The following SCAP variants were observed in gnomAD, a reference collection of about 807,000 sequenced individuals.
The protein encoded by SCAP is sterol regulatory element-binding protein cleavage-activating protein.
In SCAP, 65 loss-of-function variants were observed where a neutral mutation model predicts 123.6. That is an observed-to-expected ratio of 0.53 (90% CI 0.43 to 0.65). SCAP has a LOEUF of 0.65. SCAP is among the 30% of genes least tolerant of loss of function. SCAP has a pLI of 0.00. For synonymous variants in SCAP, 740 were observed against 726.3 expected (o/e 1.02, Z -0.30); for missense variants, 1,398 against 1,712.5 (o/e 0.82, Z 3.24).
At chr3:47,463,667 G>A (rs1267316140) in intron 1 of SCAP, among the ~76,000 whole-genome samples, 6 of 151,864 alleles carry the variant, frequency 4.0e-5, no homozygotes, top group Non-Finnish European at 5.9e-5. Flanking sequence ...GACTGCACTC[G>A]AGCCTGGCAG....
At chr3:47,432,890 A>G (rs1706424475) in intron 3 of SCAP, among the ~76,000 whole-genome samples, 1 of 152,274 alleles carries the variant, frequency 6.6e-6, no homozygotes, top group East Asian at 1.9e-4. Flanking sequence ...GACAACAACA[A>G]TGAAATACCT....
intron 18 of SCAP, 23 bp downstream of exon 18, chr3:47,417,099 G>A (rs1278583753): frequency 1.9e-6 from 3 of 1,609,082 alleles, no homozygotes; most frequent in Non-Finnish European, 2.5e-6. Flanking sequence ...GGGACATCTG[G>A]GGCTGAGGCA....
In SCAP at chr3:47,416,869, G is replaced by A. The variant is rs557084729; in HGVS notation, c.3056+253C>T. Among the ~76,000 whole-genome samples the A allele has an allele frequency of 1.6e-3, 240 of 151,746 alleles. 2 individuals carry two copies. Among genetic ancestry groups the A allele is most frequent in the African/African-American group, 5.4e-3 (223 of 41,346 alleles). On this transcript the variant is annotated intron_variant, in intron 18 of 22. Transcript: ENST00000265565. Reference sequence around the variant, plus strand: ...TCTCGATCTCCTGACCTCGTGATCCGCCCGCCTCGGCCTCCCAAAGTGCTG... The same window carrying A: ...TCTCGATCTCCTGACCTCGTGATCCACCCGCCTCGGCCTCCCAAAGTGCTG...
At chr3:47,467,691 T>A (rs1202199318) in intron 1 of SCAP, among the ~76,000 whole-genome samples, 1 of 152,062 alleles carries the variant, frequency 6.6e-6, no homozygotes, top group East Asian at 1.9e-4. Context: ...TTGCTCAACA[T>A]CAATATTCCT....
intron 1 of SCAP, among the ~76,000 whole-genome samples, chr3:47,473,086 A>AAAAAAAAAAAAAAAAAAAC (rs1452211445): frequency 2.8e-5 from 4 of 144,066 alleles, no homozygotes; most frequent in South Asian, 2.2e-4. Flanking sequence ...ATCTCAAAAA[A>AAAAAAAAAAAAAAAAAAAC]AAAAAAAAAA....
At chr3:47,461,923 A>G (rs1707655938) in intron 1 of SCAP, among the ~76,000 whole-genome samples, 1 of 152,134 alleles carries the variant, frequency 6.6e-6, no homozygotes, top group Non-Finnish European at 1.5e-5. Context: ...AATCCCAGCT[A>G]CTTGGGAGGC....
At chr3:47,459,751 G>C (rs996195687) in intron 1 of SCAP, among the ~76,000 whole-genome samples, 4 of 152,182 alleles carry the variant, frequency 2.6e-5, no homozygotes, top group Non-Finnish European at 5.9e-5. Flanking sequence ...TCTATGTTCA[G>C]CTGTGCACGT....
chr3:47,442,728 G>A, intron 2 of SCAP, 144 bp downstream of exon 2: 1 of 689,018 alleles, frequency 1.5e-6, no homozygotes, highest in Admixed American at 2.8e-5. Flanking sequence ...CAGGACTAGA[G>A]TTCTCCACTC....
chr3:47,432,665 T>C (rs1030224690), intron 3 of SCAP, among the ~76,000 whole-genome samples: 30 of 152,192 alleles, frequency 2.0e-4, no homozygotes, highest in African/African-American at 7.0e-4. Context: ...ATTTTCCCTT[T>C]TTTAAAATTT....
rs58460988 is a variant in SCAP at position 47,455,062 on chromosome 3, C to CATATATAT, written c.-98-11979_-98-11972dup. Among the ~76,000 whole-genome samples the CATATATAT allele has an allele frequency of 5.0e-4, 64 of 127,954 alleles. 1 individual carries two copies. The highest frequency in any genetic ancestry group is 3.1e-3 in the East Asian group (15 of 4,804). The allele number at this position is 127,954 out of a possible 152,430, so 83.9% of individuals were successfully genotyped here. A position where few individuals can be genotyped will look rare whatever the true frequency, so the allele number is the denominator to read the frequency against. ...TCCAAATATATATACAAAAAAATTA[C>CATATATAT]ATATATATATATATATATATATATA... On this transcript the variant is annotated intron_variant, in intron 1 of 22. Transcript: ENST00000265565.
rs1251857981 is a variant in SCAP at position 47,417,350 on chromosome 3, A to G, written c.2924T>C (p.Leu975Pro). 1 of 1,610,906 alleles carries G rather than the reference A, an allele frequency of 6.2e-7. No individual in the cohort carries two copies. The highest frequency in any genetic ancestry group is 1.3e-5 in the African/African-American group (1 of 74,836). The change falls in exon 17 of 23, where the codon CTG becomes CCG. Residue 975 changes from leucine to proline, a missense_variant. Physicochemically the swap from Leu to Pro is moderately conservative, Grantham distance 98 (BLOSUM62 -3). Transcript: ENST00000265565. ...CCCCACCACGATGAGGTTGCCCTGC[A>G]GCTCCAAGCTCCAGATGGAACCCTC... ...SAEGSIWSLE[L>P]QGNLIVVGRS...
At position 47,424,008 on chromosome 3, in the gene SCAP, C is replaced by T; in HGVS notation, c.1075G>A (p.Glu359Lys). The change falls in exon 9 of 23, where the codon GAG becomes AAG. Residue 359 changes from glutamate to lysine, a missense_variant. Physicochemically the swap from Glu to Lys is moderately conservative, Grantham distance 56 (BLOSUM62 1). Transcript: ENST00000265565. ...FPYLVVVIGLENVLVLTKSVV... is the reference protein window; with the variant it reads ...FPYLVVVIGLKNVLVLTKSVV... ...GACTTGGTGAGCACCAACACATTCTCTAACCCAATAACCACCACAAGGTAG... is the reference window on the plus strand; with the variant it reads ...GACTTGGTGAGCACCAACACATTCTTTAACCCAATAACCACCACAAGGTAG... 1 of 1,614,174 alleles carries T rather than the reference C, an allele frequency of 6.2e-7. No individual in the cohort carries two copies. The highest frequency in any genetic ancestry group is 8.5e-7 in the Non-Finnish European group (1 of 1,180,016).
rs751957768 is a variant in SCAP, at chr3:47,425,550, G to A, written c.972C>T (p.Leu324=). The A allele has an allele frequency of 3.7e-6, 6 of 1,614,136 alleles. No individual in the cohort carries two copies. Among genetic ancestry groups the A allele is most frequent in the East Asian group, 2.2e-5 (1 of 44,880 alleles). ...GLALAAVVTV[L]SSLLMSVGLC... ...GTCCCACAGACATGAGCAGCGAGCT[G>A]AGCACTGTGACCACGGCAGCCAGGG... is the stretch of plus-strand genomic sequence containing the variant. The change falls in exon 8 of 23, where the codon CTC becomes CTT. Residue 324 remains leucine (L), a synonymous_variant. Transcript: ENST00000265565.
rs1455154477 is a variant in SCAP at position 47,418,333 on chromosome 3, G to A, written c.2319C>T (p.Arg773=). Residue 773 remains arginine (R), a synonymous_variant, in exon 15 of 23, where the codon CGC becomes CGT. Transcript: ENST00000265565. ...TGCCCCTGCTCACCATGAGGTGGCCGCGCAGCACAAGCGGCACGATCTCCG... is the reference window on the plus strand; with the variant it reads ...TGCCCCTGCTCACCATGAGGTGGCCACGCAGCACAAGCGGCACGATCTCCG... The part of the protein sequence containing the change: ...PETEIVPLVL[R]GHLMDIECLA... The A allele has an allele frequency of 7.7e-6, 12 of 1,564,180 alleles. No homozygotes were observed. The highest frequency in any genetic ancestry group is 1.7e-4 in the Middle Eastern group (1 of 6,024).
chr3:47,473,228 C>T (rs1235594553), intron 1 of SCAP, among the ~76,000 whole-genome samples: 1 of 151,992 alleles, frequency 6.6e-6, no homozygotes, highest in African/African-American at 2.4e-5. Flanking sequence ...AATAACTTTT[C>T]TAAAACTCTC....
intron 1 of SCAP, among the ~76,000 whole-genome samples, chr3:47,475,270 G>GAGGT (rs1398522908): frequency 2.0e-5 from 3 of 152,278 alleles, no homozygotes; most frequent in African/African-American, 7.2e-5. Context: ...GTTAAATACT[G>GAGGT]AGGTCATAAA....
In SCAP at chr3:47,460,143, T is replaced by C. The variant is rs1171389583; in HGVS notation, c.-99+15656A>G. On this transcript the variant is annotated intron_variant, in intron 1 of 22. Coordinates refer to ENST00000265565, the MANE Select transcript of SCAP (RefSeq NM_012235.4). ...GGTTGTCTTCCCTTGTTCCCTAAAA[T>C]AGCTGTTATTCTGTTTTCAAGATGC... Among the ~76,000 whole-genome samples, 4 of 152,324 alleles carry C rather than the reference T, an allele frequency of 2.6e-5. No individual in the cohort carries two copies. The South Asian group carries it at 6.2e-4, about 24-fold the overall frequency.
At chr3:47,429,205 A>C (rs1706262936) in intron 3 of SCAP, among the ~76,000 whole-genome samples, 1 of 152,224 alleles carries the variant, frequency 6.6e-6, no homozygotes, top group Non-Finnish European at 1.5e-5. Context: ...CCTTCAATAT[A>C]AAGCTTTTCT....
Position 47,414,106 on chromosome 3 carries a change from GCAAGGACATGA to G in SCAP, c.3595-18_3595-8del. On this transcript the variant is annotated splice_polypyrimidine_tract_variant and splice_region_variant and intron_variant, in intron 22 of 22. Coordinates refer to ENST00000265565, the MANE Select transcript of SCAP (RefSeq NM_012235.4). ...TTGCACCACAGCCCAGGTCCTGGAG[GCAAGGACATGA>G]CAAGCTCAGTCCTGAGTCCTTCCCT... The G allele has an allele frequency of 6.2e-7, 1 of 1,613,474 alleles. No homozygotes were observed.
Sources: gnomAD v4.1 joint callset for allele counts (sites outside exome capture counted in the v4.1 genomes callset) on GRCh38, gnomAD v4.1.1 for gene constraint, MANE v1.5 for transcripts, NCBI Gene and HGNC (gene_info 2026-07-23, HGNC 2026-07-21) for gene names.